FBXL20: variants seen among roughly 807,000 people sequenced by gnomAD.
The protein encoded by FBXL20 is F-box/LRR-repeat protein 20.
Under a neutral mutation model 64.0 loss-of-function variants are expected in FBXL20, and 11 were observed. That is an observed-to-expected ratio of 0.17 (90% CI 0.11 to 0.28). FBXL20 has a LOEUF of 0.28. Ranked by LOEUF, FBXL20 falls within the 10% of genes least tolerant of loss-of-function variation. FBXL20 has a pLI of 1.00. For missense variants in FBXL20, 303 were observed against 526.2 expected (o/e 0.58, Z 4.15); for synonymous variants, 184 against 189.0 (o/e 0.97, Z 0.22).
chr17:39,369,701 G>C (rs1379570640), intron 1 of FBXL20, among the ~76,000 whole-genome samples: 1 of 151,990 alleles, frequency 6.6e-6, no homozygotes, highest in Non-Finnish European at 1.5e-5. Context: ...CCAGGCTGTA[G>C]TGGTATGATC....
Position 39,259,057 on chromosome 17 carries a change from G to T in FBXL20, c.*2403C>A, listed in dbSNP as rs189466140. ...TAAATTTAATATGATAAATATTAAT[G>T]GATAGTATAGACTTCTAAGACCCTT... is the stretch of plus-strand genomic sequence containing the variant. On this transcript the variant is annotated 3_prime_UTR_variant, in exon 15 of 15. Transcript: ENST00000264658. The T allele has an allele frequency of 2.6e-5, 4 of 152,272 alleles. No individual in the cohort carries two copies. Among genetic ancestry groups the T allele is most frequent in the African/African-American group, 9.6e-5 (4 of 41,548 alleles). 9.4% of individuals were successfully genotyped at this position (152,272 alleles called of 1,614,324 possible).
chr17:39,385,276 C>T (rs1436778185), intron 1 of FBXL20, among the ~76,000 whole-genome samples: 1 of 152,066 alleles, frequency 6.6e-6, no homozygotes, highest in Non-Finnish European at 1.5e-5. Context: ...ATGATGGTGC[C>T]ACTGCACTCC....
At chr17:39,295,784 G>GATATATATATATATATATATATAT (rs10568875) in intron 6 of FBXL20, among the ~76,000 whole-genome samples, 2,313 of 135,954 alleles carry the variant, frequency 0.017, 35 homozygotes, top group Non-Finnish European at 0.02. Context: ...CAAATATGGA[G>GATATATATATATATATATATATAT]ATATATATAT....
intron 12 of FBXL20, among the ~76,000 whole-genome samples, chr17:39,266,425 G>A (rs993560173): frequency 8.5e-5 from 13 of 152,092 alleles, no homozygotes; most frequent in Non-Finnish European, 1.6e-4. Context: ...ACACCATGTT[G>A]GCCAGGCAGA....
chr17:39,281,533 T>C, intron 8 of FBXL20, 70 bp from the exon 9 acceptor site: 2 of 1,324,034 alleles, frequency 1.5e-6, no homozygotes, highest in Non-Finnish European at 2.1e-6. Context: ...TTTAAGAATG[T>C]ACACATTCAT....
intron 1 of FBXL20, among the ~76,000 whole-genome samples, chr17:39,369,855 C>G (rs573164738): frequency 2.1e-3 from 316 of 152,266 alleles, no homozygotes; most frequent in Non-Finnish European, 3.6e-3. Flanking sequence ...AGATTAGTCT[C>G]AAACTACTGG....
intron 9 of FBXL20, among the ~76,000 whole-genome samples, chr17:39,275,547 G>A (rs1336897801): frequency 6.6e-6 from 1 of 151,856 alleles, no homozygotes; most frequent in African/African-American, 2.4e-5. Context: ...GACTAGCTGG[G>A]ACTACAAGTG....
chr17:39,288,477 T>C (rs944398946), intron 6 of FBXL20, among the ~76,000 whole-genome samples: 1 of 151,960 alleles, frequency 6.6e-6, no homozygotes, highest in Non-Finnish European at 1.5e-5. Flanking sequence ...ATTTTCTTTC[T>C]TTTCTATCTT....
At chr17:39,270,920 A>G (rs2046838134) in intron 10 of FBXL20, 64 bp from the exon 11 acceptor site, 1 of 1,324,110 alleles carries the variant, frequency 7.6e-7, no homozygotes, top group Non-Finnish European at 1.0e-6. Context: ...TGAGTTTATT[A>G]AAACAGTAAG....
At chr17:39,273,035 G>GTCTT (rs2046860407) in intron 10 of FBXL20, among the ~76,000 whole-genome samples, 1 of 152,100 alleles carries the variant, frequency 6.6e-6, no homozygotes, top group Non-Finnish European at 1.5e-5. Context: ...TAGGCAAAAG[G>GTCTT]TTTTTTTGTT....
At position 39,264,253 on chromosome 17, in the gene FBXL20, CAA is replaced by C. The variant is rs1158063732; in HGVS notation, c.1123_1124del (p.Leu375GlufsTer5). ...TCCGCTCAAGGCTATGACAGCTCTT[CAA>C]GTGCTCCAGGGATGCATCTGTGATT... Reference protein sequence around the residue: ...PLITDASLEHLKSCHSLERIE... With the variant: ...PLITDASLEHXKSCHSLERIE... On this transcript the variant is annotated frameshift_variant, in exon 14 of 15. Transcript: ENST00000264658. LOFTEE classifies it high-confidence loss of function. The C allele has an allele frequency of 1.9e-6, 3 of 1,614,236 alleles. No homozygotes were observed. The highest frequency in any genetic ancestry group is 2.5e-6 in the Non-Finnish European group (3 of 1,180,042).
chr17:39,395,067 C>T (rs1312940301), intron 1 of FBXL20, among the ~76,000 whole-genome samples: 1 of 152,082 alleles, frequency 6.6e-6, no homozygotes, highest in African/African-American at 2.4e-5. Flanking sequence ...GATTAAAAAG[C>T]ATCATCAACA....
chr17:39,382,606 G>T (rs1241570260), intron 1 of FBXL20, among the ~76,000 whole-genome samples: 1 of 152,166 alleles, frequency 6.6e-6, no homozygotes, highest in African/African-American at 2.4e-5. Context: ...GCTGATGTGG[G>T]AGGATCACTT....
intron 6 of FBXL20, among the ~76,000 whole-genome samples, chr17:39,295,125 G>A (rs2047073022): frequency 6.6e-6 from 1 of 152,060 alleles, no homozygotes. Flanking sequence ...AACAAGACTG[G>A]CTGTAAACTG....
intron 1 of FBXL20, among the ~76,000 whole-genome samples, chr17:39,363,271 C>T (rs1479939506): frequency 6.6e-6 from 1 of 152,040 alleles, no homozygotes; most frequent in Non-Finnish European, 1.5e-5. Flanking sequence ...GCCTGGGCCT[C>T]CCAAAGTGCT....
chr17:39,281,326 G>T, intron 9 of FBXL20, 63 bp downstream of exon 9: 1 of 1,444,394 alleles, frequency 6.9e-7, no homozygotes, highest in Non-Finnish European at 9.7e-7. Flanking sequence ...TCTTAAAATA[G>T]CTCTTAAAAA....
At chr17:39,330,938 A>G (rs2047454322) in intron 2 of FBXL20, among the ~76,000 whole-genome samples, 1 of 152,214 alleles carries the variant, frequency 6.6e-6, no homozygotes, top group Admixed American at 6.5e-5. Context: ...CAAGCCTTTA[A>G]AAATAAAATC....
intron 2 of FBXL20, among the ~76,000 whole-genome samples, chr17:39,334,967 T>C (rs956039287): frequency 1.3e-5 from 2 of 152,080 alleles, no homozygotes; most frequent in African/African-American, 2.4e-5. Context: ...AAAAACTCAG[T>C]TGTATGTAAG....
At chr17:39,401,218 G>C in intron 1 of FBXL20, 143 bp downstream of exon 1, 1 of 1,522,976 alleles carries the variant, frequency 6.6e-7, no homozygotes, top group Non-Finnish European at 8.8e-7. Context: ...TGGGTCGCAA[G>C]AAAGGGGAGC....
Sources: allele counts gnomAD v4.1 joint callset (sites outside exome capture counted in the v4.1 genomes callset), GRCh38; gene constraint gnomAD v4.1.1; transcripts MANE v1.5; gene names NCBI Gene and HGNC (gene_info 2026-07-23, HGNC 2026-07-21).